Variants in CLVS1 observed in about 807,000 individuals in gnomAD.
The protein encoded by CLVS1 is clavesin 1.
CLVS1 carries 10 observed loss-of-function variants against 33.1 expected under a neutral mutation model. That is an observed-to-expected ratio of 0.30 (90% confidence interval 0.19 to 0.51). The LOEUF (loss-of-function observed/expected upper bound fraction) is 0.51, where lower values mean the gene tolerates loss of function less well. Among genes scored for constraint, CLVS1 ranks in the 20% least tolerant of loss-of-function variants. The pLI is 0.97. For synonymous variants in CLVS1, 163 were observed against 166.1 expected (o/e 0.98, Z 0.14); for missense variants, 343 against 433.4 (o/e 0.79, Z 1.85).
chr8:61,357,483 C>CTT (rs1414093611), intron 2 of CLVS1, among the ~76,000 whole-genome samples: 2 of 71,468 alleles, frequency 2.8e-5, no homozygotes, highest in African/African-American at 4.5e-5. Context: ...TTTTTCTTTC[C>CTT]TTTTTCTTTT....
chr8:61,280,830 G>A (rs368289046), intron 2 of CLVS1, among the ~76,000 whole-genome samples: 1 of 152,098 alleles, frequency 6.6e-6, no homozygotes, highest in African/African-American at 2.4e-5. Flanking sequence ...GTCTCACTAT[G>A]TTGCATCACA....
intron 2 of CLVS1, among the ~76,000 whole-genome samples, chr8:61,251,121 T>G (rs1312983486): frequency 6.6e-6 from 1 of 152,254 alleles, no homozygotes; most frequent in Non-Finnish European, 1.5e-5. Context: ...GTTTTTAGTA[T>G]GAAGGGCTGT....
chr8:61,367,280 T>C (rs1267944199), intron 2 of CLVS1, among the ~76,000 whole-genome samples: 3 of 152,210 alleles, frequency 2.0e-5, no homozygotes, highest in Non-Finnish European at 2.9e-5. Context: ...CAGAATGAGA[T>C]GAATCACAAT....
chr8:61,329,716 C>T (rs1016406023), intron 2 of CLVS1, among the ~76,000 whole-genome samples: 1 of 152,142 alleles, frequency 6.6e-6, no homozygotes, highest in Non-Finnish European at 1.5e-5. Flanking sequence ...ATATTATGAT[C>T]ACTTTGTAAA....
chr8:61,306,880 A>G (rs1382874929), intron 2 of CLVS1, among the ~76,000 whole-genome samples: 1 of 152,226 alleles, frequency 6.6e-6, no homozygotes, highest in Non-Finnish European at 1.5e-5. Context: ...AGAAAAGTAT[A>G]CAAAAATACA....
chr8:61,487,662 C>T (rs1035251608), intron 5 of CLVS1, among the ~76,000 whole-genome samples: 2 of 152,204 alleles, frequency 1.3e-5, no homozygotes, highest in Non-Finnish European at 2.9e-5. Context: ...TCACAATTTT[C>T]GTGCACTGCA....
intron 2 of CLVS1, among the ~76,000 whole-genome samples, chr8:61,308,270 T>G (rs1453836811): frequency 6.6e-6 from 1 of 152,188 alleles, no homozygotes; most frequent in Non-Finnish European, 1.5e-5. Context: ...GAAGACACTT[T>G]CTAGTCAAGA....
chr8:61,002,427 C>G, the CLVS1 span, among the ~76,000 whole-genome samples: 11 of 146,276 alleles, frequency 7.5e-5, no homozygotes, highest in South Asian at 2.4e-3. Context: ...CCCCCAGGTT[C>G]AAGCGATTCT....
chr8:61,022,437 A>G, the CLVS1 span, among the ~76,000 whole-genome samples: 1 of 152,226 alleles, frequency 6.6e-6, no homozygotes, highest in African/African-American at 2.4e-5. Context: ...TAGGTTCCTA[A>G]TAGACCTTTG....
At chr8:61,203,320 A>G (rs1369011346) in intron 2 of CLVS1, 14 of 674,548 alleles carry the variant, frequency 2.1e-5, no homozygotes, top group Non-Finnish European at 3.5e-5. Flanking sequence ...ATGCAGAGTG[A>G]GAACTTTCCC....
At chr8:61,063,300 A>AGAGAGAGAGAGAGAGAAC (rs1804618571) in intron 1 of CLVS1, among the ~76,000 whole-genome samples, 1 of 142,036 alleles carries the variant, frequency 7.0e-6, no homozygotes, top group Non-Finnish European at 1.5e-5. Context: ...AGAGATAGAG[A>AGAGAGAGAGAGAGAGAAC]GAGAGAGAGA....
the CLVS1 span, among the ~76,000 whole-genome samples, chr8:60,970,357 G>A: frequency 1.3e-5 from 2 of 152,140 alleles, no homozygotes; most frequent in Non-Finnish European, 2.9e-5. Flanking sequence ...TAATGTCCTG[G>A]GAATTTCCTT....
intron 2 of CLVS1, among the ~76,000 whole-genome samples, chr8:61,351,771 AG>A (rs1451178130): frequency 6.6e-6 from 1 of 152,050 alleles, no homozygotes; most frequent in African/African-American, 2.4e-5. Context: ...CAGAAGGAGG[AG>A]GTACAACATT....
intron 2 of CLVS1, among the ~76,000 whole-genome samples, chr8:61,276,111 G>A (rs2129592961): frequency 6.6e-6 from 1 of 152,298 alleles, no homozygotes; most frequent in Non-Finnish European, 1.5e-5. Flanking sequence ...CTATGCTTGG[G>A]ATTTTCTAAG....
chr8:61,325,853 A>C (rs1441746588), intron 2 of CLVS1, among the ~76,000 whole-genome samples: 1 of 152,156 alleles, frequency 6.6e-6, no homozygotes, highest in Non-Finnish European at 1.5e-5. Flanking sequence ...ATACTAACAA[A>C]CTGAAGAATT....
At chr8:61,432,859 A>T (rs1816167236) in intron 3 of CLVS1, among the ~76,000 whole-genome samples, 2 of 152,186 alleles carry the variant, frequency 1.3e-5, no homozygotes, top group Non-Finnish European at 1.5e-5. Flanking sequence ...CCGCAGTAGG[A>T]TCTGTGTCCT....
chr8:61,198,187 T>C (rs953455064), intron 2 of CLVS1, among the ~76,000 whole-genome samples: 1 of 152,218 alleles, frequency 6.6e-6, no homozygotes, highest in Non-Finnish European at 1.5e-5. Flanking sequence ...TTGAGAGGTA[T>C]TATATTAATG....
chr8:60,997,810 G>T, the CLVS1 span, among the ~76,000 whole-genome samples: 56 of 152,324 alleles, frequency 3.7e-4, no homozygotes, highest in African/African-American at 1.3e-3. Context: ...GCTGAGAAGA[G>T]CCTAAGACTT....
intron 1 of CLVS1, among the ~76,000 whole-genome samples, chr8:61,295,801 T>C (rs1420003338): frequency 6.6e-6 from 1 of 152,114 alleles, no homozygotes; most frequent in Non-Finnish European, 1.5e-5. Flanking sequence ...GTTTCCTCAT[T>C]TGAAAAATGA....
Sources: allele counts gnomAD v4.1 joint callset (sites outside exome capture counted in the v4.1 genomes callset), GRCh38; gene constraint gnomAD v4.1.1; transcripts MANE v1.5; gene names NCBI Gene and HGNC (gene_info 2026-07-23, HGNC 2026-07-21).